Variants in ZCWPW2 observed in about 807,000 individuals in gnomAD.
The protein encoded by ZCWPW2 is zinc finger CW-type and PWWP domain containing 2, also known as zinc finger CW-type PWWP domain protein 2.
A neutral mutation model predicts 46.6 loss-of-function variants in ZCWPW2; 45 were observed. The ratio of observed to expected loss-of-function variants is 0.96; its 90% CI spans 0.76 to 1.24. The LOEUF is 1.24. Ranked by LOEUF, ZCWPW2 falls within the 50% of genes most tolerant of loss-of-function variation. ZCWPW2 has a pLI of 0.00. For missense variants in ZCWPW2, 429 were observed against 403.9 expected (o/e 1.06, Z -0.53); for synonymous variants, 152 against 137.1 (o/e 1.11, Z -0.76).
chr3:28,401,471 GCAA>G (rs1695932159), intron 2 of ZCWPW2, among the ~76,000 whole-genome samples: 3 of 151,836 alleles, frequency 2.0e-5, no homozygotes. Flanking sequence ...GAGATAGACA[GCAA>G]CACAGTAATA....
chr3:28,413,351 C>G lies in ZCWPW2; in HGVS notation c.283C>G (p.Gln95Glu), dbSNP rs769599680. The change falls in exon 3 of 10, where the codon CAG (glutamine) becomes GAG (glutamate). Residue 95 changes from glutamine to glutamate, a missense_variant. By Grantham distance (29) the Gln-to-Glu change is conservative (BLOSUM62 2). Coordinates refer to ENST00000383768, the MANE Select transcript of ZCWPW2 (RefSeq NM_001040432.4). ...GTGTGGATTTAAGATTGTCTATTCA[C>G]AGCTCCCTCTTGGAAGCCTGGTTTT... ...HQCGFKIVYS[Q>E]LPLGSLVLVK... 5 of 1,612,092 alleles carry G rather than the reference C, an allele frequency of 3.1e-6. No homozygotes were observed. The African/African-American group carries it at 6.7e-5, about 22-fold the overall frequency.
At chr3:28,411,449 G>C (rs1049951928) in intron 2 of ZCWPW2, among the ~76,000 whole-genome samples, 1 of 151,486 alleles carries the variant, frequency 6.6e-6, no homozygotes, top group Non-Finnish European at 1.5e-5. Context: ...AACATTCGAA[G>C]CATTCTCTTT....
intron 4 of ZCWPW2, among the ~76,000 whole-genome samples, chr3:28,445,941 A>G (rs1697973609): frequency 6.6e-6 from 1 of 152,170 alleles, no homozygotes; most frequent in Non-Finnish European, 1.5e-5. Context: ...AAAGAAAGAT[A>G]TTTTGATTAA....
intron 8 of ZCWPW2, among the ~76,000 whole-genome samples, chr3:28,515,938 A>G (rs1396007738): frequency 1.3e-5 from 2 of 151,972 alleles, no homozygotes; most frequent in African/African-American, 2.4e-5. Context: ...TCATGTATTT[A>G]ATTTTTTAAA....
intron 2 of ZCWPW2, among the ~76,000 whole-genome samples, chr3:28,411,126 TTAA>T (rs1237520801): frequency 2.0e-5 from 3 of 151,902 alleles, no homozygotes; most frequent in Non-Finnish European, 2.9e-5. Flanking sequence ...TGTAAAAATA[TTAA>T]TTATTAATAA....
chr3:28,487,731 G>A (rs1051971288), intron 5 of ZCWPW2, among the ~76,000 whole-genome samples: 1 of 152,156 alleles, frequency 6.6e-6, no homozygotes, highest in African/African-American at 2.4e-5. Flanking sequence ...TAGTTTAGCA[G>A]TGCAGTGGTA....
chr3:28,360,549 A>C (rs1324306798), intron 1 of ZCWPW2, among the ~76,000 whole-genome samples: 1 of 151,584 alleles, frequency 6.6e-6, no homozygotes, highest in African/African-American at 2.4e-5. Flanking sequence ...TTCTGTTTGT[A>C]TGCATCTAAA....
At chr3:28,446,837 A>T (rs1698011270) in intron 4 of ZCWPW2, among the ~76,000 whole-genome samples, 1 of 152,132 alleles carries the variant, frequency 6.6e-6, no homozygotes, top group Non-Finnish European at 1.5e-5. Flanking sequence ...CAGGGACATT[A>T]CTACCAATTC....
chr3:28,374,271 C>T (rs1212150915), intron 1 of ZCWPW2, among the ~76,000 whole-genome samples: 1 of 152,138 alleles, frequency 6.6e-6, no homozygotes, highest in Non-Finnish European at 1.5e-5. Context: ...TGTATGTTCT[C>T]AGTACCTTTG....
intron 6 of ZCWPW2, among the ~76,000 whole-genome samples, chr3:28,513,689 A>AT (rs766065640): frequency 2.0e-5 from 3 of 151,950 alleles, no homozygotes; most frequent in Non-Finnish European, 4.4e-5. Flanking sequence ...GTTTCCACCT[A>AT]TATATTAATA....
chr3:28,367,855 A>G (rs1385447354), intron 1 of ZCWPW2, among the ~76,000 whole-genome samples: 4 of 152,030 alleles, frequency 2.6e-5, no homozygotes, highest in Non-Finnish European at 2.9e-5. Context: ...TATATTTAGG[A>G]TAGTTAGTTC....
At chr3:28,430,722 G>T (rs867174646) in intron 3 of ZCWPW2, among the ~76,000 whole-genome samples, 2 of 152,120 alleles carry the variant, frequency 1.3e-5, no homozygotes, top group Non-Finnish European at 2.9e-5. Context: ...TCATGGGGCA[G>T]TTCCCCTATG....
chr3:28,523,043 A>G (rs1270922810), intron 9 of ZCWPW2, among the ~76,000 whole-genome samples: 2 of 152,216 alleles, frequency 1.3e-5, no homozygotes, highest in African/African-American at 4.8e-5. Flanking sequence ...GTAACTTGAT[A>G]GAACAGAGAA....
At chr3:28,402,680 C>A (rs1175479908) in intron 2 of ZCWPW2, among the ~76,000 whole-genome samples, 1 of 152,132 alleles carries the variant, frequency 6.6e-6, no homozygotes, top group Non-Finnish European at 1.5e-5. Flanking sequence ...TCAAATCCAA[C>A]AACATATTAA....
At chr3:28,521,506 G>C (rs1700723370) in intron 9 of ZCWPW2, among the ~76,000 whole-genome samples, 1 of 152,150 alleles carries the variant, frequency 6.6e-6, no homozygotes, top group African/African-American at 2.4e-5. Context: ...TCTGGATTAT[G>C]TACCAAGATA....
At chr3:28,459,663 T>A (rs773668875) in intron 4 of ZCWPW2, among the ~76,000 whole-genome samples, 5 of 152,186 alleles carry the variant, frequency 3.3e-5, no homozygotes, top group Non-Finnish European at 7.3e-5. Context: ...TTTCTTCTTT[T>A]GGTGGTGCCT....
chr3:28,498,002 G>A (rs1047900733), intron 6 of ZCWPW2, among the ~76,000 whole-genome samples: 7 of 151,958 alleles, frequency 4.6e-5, no homozygotes, highest in African/African-American at 7.2e-5. Flanking sequence ...CTAATATCCC[G>A]TGAACTATAA....
chr3:28,475,109 G>A (rs1699191625), intron 4 of ZCWPW2, among the ~76,000 whole-genome samples: 1 of 152,032 alleles, frequency 6.6e-6, no homozygotes, highest in African/African-American at 2.4e-5. Context: ...CTCCTAAAGT[G>A]CTAGGATTAC....
At chr3:28,414,279 TC>T (rs1355453128) in intron 3 of ZCWPW2, among the ~76,000 whole-genome samples, 1 of 151,810 alleles carries the variant, frequency 6.6e-6, no homozygotes, top group Non-Finnish European at 1.5e-5. Flanking sequence ...GTTTAGTCTT[TC>T]TTGTCAAAAT....
Sources: gnomAD v4.1 joint callset for allele counts (sites outside exome capture counted in the v4.1 genomes callset) on GRCh38, gnomAD v4.1.1 for gene constraint, MANE v1.5 for transcripts, NCBI Gene and HGNC (gene_info 2026-07-23, HGNC 2026-07-21) for gene names.